The following OLFM2 variants were observed in gnomAD, a reference collection of about 807,000 sequenced individuals.
OLFM2 encodes olfactomedin 2.
A neutral mutation model predicts 43.9 loss-of-function variants in OLFM2; 20 were observed. The ratio of observed to expected loss-of-function variants is 0.46; its 90% CI spans 0.32 to 0.66. The LOEUF is 0.66. Among genes scored for constraint, OLFM2 ranks in the 30% least tolerant of loss-of-function variants. OLFM2 has a pLI of 0.04. For missense variants in OLFM2, 416 were observed against 643.6 expected (o/e 0.65, Z 3.83); for synonymous variants, 268 against 278.6 (o/e 0.96, Z 0.38).
Position 9,853,820 on chromosome 19 carries a change from G to A in OLFM2, c.*366C>T. The A allele has an allele frequency of 3.7e-6, 1 of 268,536 alleles. No individual in the cohort carries two copies. Among genetic ancestry groups the A allele is most frequent in the South Asian group, 5.5e-5 (1 of 18,280 alleles). The allele number at this position is 268,536 out of a possible 1,614,324, so 16.6% of individuals were successfully genotyped here. ...CTCAACTCCTGGGGGTGGGGGTGGG[G>A]GTGGGAGTGAGGGATGAGGAATGGG... On this transcript the variant is annotated 3_prime_UTR_variant, in exon 6 of 6. Coordinates refer to ENST00000264833, the MANE Select transcript of OLFM2 (RefSeq NM_058164.4).
At chr19:9,915,946 A>C (rs2046873306) in intron 1 of OLFM2, among the ~76,000 whole-genome samples, 1 of 152,212 alleles carries the variant, frequency 6.6e-6, no homozygotes, top group Admixed American at 6.5e-5. Context: ...GAGGACCAGG[A>C]AGGAGGCCAG....
intron 1 of OLFM2, among the ~76,000 whole-genome samples, chr19:9,934,875 G>A (rs965811747): frequency 3.0e-4 from 46 of 152,182 alleles, no homozygotes; most frequent in Non-Finnish European, 5.9e-5. Flanking sequence ...CCCTCGGGGT[G>A]AGCACAAGGG....
In OLFM2 at chr19:9,857,324, C is replaced by G. The variant is rs2046328105; in HGVS notation, c.519G>C (p.Glu173Asp). The change falls in exon 4 of 6, where the codon GAG becomes GAC. Residue 173 changes from glutamate to aspartate, a missense_variant. Glu to Asp is a conservative substitution (Grantham distance 45). Coordinates refer to ENST00000264833, the MANE Select transcript of OLFM2 (RefSeq NM_058164.4). This position sits in a 1 kb window ranked among gnomAD's most constrained non-coding sequence, Gnocchi z 5.7. ...GGGCCATCACCCGTTGCTGCAGGTCCTCATACCCGTAGGCACCCATCTCCT... is the reference window on the plus strand; with the variant it reads ...GGGCCATCACCCGTTGCTGCAGGTCGTCATACCCGTAGGCACCCATCTCCT... ...IQEEMGAYGY[E>D]DLQQRVMALE... 6.2e-7 allele frequency: 1 copy of G among 1,614,156 alleles called. No homozygotes were observed. The highest frequency in any genetic ancestry group is 8.5e-7 in the Non-Finnish European group (1 of 1,180,022).
rs1568391605 is a variant in OLFM2, at chr19:9,936,372, G to GC, written c.-7dup. On this transcript the variant is annotated 5_prime_UTR_variant, in exon 1 of 6. Coordinates refer to ENST00000264833, the MANE Select transcript of OLFM2 (RefSeq NM_058164.4). ...GGGACCGTGAGCGGCCACATGACGC[G>GC]CCCCTAGCCCGGCGTCCCGACCCCC... 3 of 1,451,048 alleles carry GC rather than the reference G, an allele frequency of 2.1e-6. No homozygotes were observed. Among genetic ancestry groups the GC allele is most frequent in the Admixed American group, 2.4e-5 (1 of 41,556 alleles). 89.9% of individuals were successfully genotyped at this position (1,451,048 alleles called of 1,614,324 possible).
rs2046316314 is a variant in OLFM2, at chr19:9,856,218, C to T, written c.687+589G>A. Among the ~76,000 whole-genome samples, 1 of 152,228 alleles carries T rather than the reference C, an allele frequency of 6.6e-6. No individual in the cohort carries two copies. Among genetic ancestry groups the T allele is most frequent in the South Asian group, 2.1e-4 (1 of 4,832 alleles). On this transcript the variant is annotated intron_variant, in intron 5 of 5. Transcript: ENST00000264833. The surrounding 1 kb of genome is among the most constrained non-coding windows in gnomAD (Gnocchi z 4.0). ...GGTTCAAGTGATTCTCCTGCCTCAG[C>T]CTCCCGAGTAGCTGGGATTACAGGC...
At chr19:9,925,139 C>T (rs1478804758) in intron 1 of OLFM2, among the ~76,000 whole-genome samples, 2 of 152,032 alleles carry the variant, frequency 1.3e-5, no homozygotes, top group African/African-American at 2.4e-5. Flanking sequence ...GTCCCAGCTA[C>T]TCAGCGTGTT....
At chr19:9,901,810 G>A (rs561523564) in intron 1 of OLFM2, among the ~76,000 whole-genome samples, 129 of 152,286 alleles carry the variant, frequency 8.5e-4, no homozygotes, top group African/African-American at 3.0e-3. Flanking sequence ...TGGAGTATCT[G>A]GACATGCCTG....
intron 1 of OLFM2, among the ~76,000 whole-genome samples, chr19:9,919,152 C>T (rs777613597): frequency 6.6e-6 from 1 of 151,160 alleles, no homozygotes. Context: ...GCCTGGGCAA[C>T]GCAGTGAGAC....
intron 1 of OLFM2, among the ~76,000 whole-genome samples, chr19:9,893,135 T>C (rs1178083854): frequency 3.3e-5 from 5 of 151,774 alleles, no homozygotes; most frequent in Non-Finnish European, 5.9e-5. Context: ...TGTCATAGAG[T>C]CAAACCACAA....
intron 1 of OLFM2, among the ~76,000 whole-genome samples, chr19:9,922,431 C>A (rs1482715867): frequency 6.6e-6 from 1 of 152,104 alleles, no homozygotes; most frequent in Non-Finnish European, 1.5e-5. Flanking sequence ...AGGCACATCA[C>A]TCATCATCAG....
At chr19:9,855,204 C>G (rs2046306155) in intron 5 of OLFM2, among the ~76,000 whole-genome samples, 1 of 151,410 alleles carries the variant, frequency 6.6e-6, no homozygotes, top group Non-Finnish European at 1.5e-5. Flanking sequence ...GGACCCAAAT[C>G]CCAGTGAGTG....
In OLFM2 at chr19:9,930,556, A is replaced by G. The variant is rs141102609; in HGVS notation, c.63+5748T>C. The stretch of plus-strand genomic sequence containing the variant: ...GGGTGACAGAACAAGACCCCGTCTT[A>G]GAAATAGGCCCGGCACCGTGGCTCA... On this transcript the variant is annotated intron_variant, in intron 1 of 5. Coordinates refer to ENST00000264833, the MANE Select transcript of OLFM2 (RefSeq NM_058164.4). Among the ~76,000 whole-genome samples the G allele has an allele frequency of 3.9e-5, 6 of 152,170 alleles. No individual in the cohort carries two copies. The East Asian group carries it at 1.2e-3, about 29-fold the overall frequency.
intron 1 of OLFM2, among the ~76,000 whole-genome samples, chr19:9,929,996 G>A (rs960534954): frequency 1.4e-4 from 21 of 151,990 alleles, no homozygotes; most frequent in Admixed American, 1.0e-3. Context: ...CCGAGATCGC[G>A]CCACTGACCT....
At chr19:9,928,192 C>T (rs1354568378) in intron 1 of OLFM2, among the ~76,000 whole-genome samples, 1 of 150,124 alleles carries the variant, frequency 6.7e-6, no homozygotes, top group East Asian at 2.0e-4. Context: ...GCCTGGTCAA[C>T]AGAGCAAGAC....
At chr19:9,858,004 C>G (rs1306788060) in intron 2 of OLFM2, 143 bp from the exon 3 acceptor site, 2 of 1,023,300 alleles carry the variant, frequency 2.0e-6, no homozygotes, top group Admixed American at 4.0e-5. Flanking sequence ...AGCTTACCAG[C>G]AGCCTCCCAA....
At chr19:9,901,013 A>AG (rs1370001330) in intron 1 of OLFM2, among the ~76,000 whole-genome samples, 1 of 33,850 alleles carries the variant, frequency 3.0e-5, no homozygotes, top group East Asian at 1.1e-3. Context: ...GAGGGAGGGA[A>AG]GGAGGAAGGG....
intron 1 of OLFM2, among the ~76,000 whole-genome samples, chr19:9,894,217 C>T (rs948582594): frequency 4.0e-5 from 6 of 151,496 alleles, no homozygotes; most frequent in East Asian, 3.9e-4. Flanking sequence ...CACTTGAACC[C>T]GGGAAGGGGA....
At chr19:9,932,542 C>T (rs947170163) in intron 1 of OLFM2, among the ~76,000 whole-genome samples, 1 of 151,744 alleles carries the variant, frequency 6.6e-6, no homozygotes, top group Admixed American at 6.6e-5. Context: ...GGCTATTTCA[C>T]TTAGCTGTTC....
intron 1 of OLFM2, among the ~76,000 whole-genome samples, chr19:9,862,071 T>C (rs941343245): frequency 5.3e-5 from 8 of 150,700 alleles, no homozygotes; most frequent in African/African-American, 2.0e-4. Flanking sequence ...GTCTCTTCTG[T>C]CCCAGGCATA....
Sources: allele counts gnomAD v4.1 joint callset (sites outside exome capture counted in the v4.1 genomes callset), GRCh38; gene constraint gnomAD v4.1.1; non-coding constraint Gnocchi (gnomAD v3.1); transcripts MANE v1.5; gene names NCBI Gene and HGNC (gene_info 2026-07-23, HGNC 2026-07-21).